CFAP20DC: variants seen among roughly 807,000 people sequenced by gnomAD.
CFAP20DC encodes CFAP20 domain containing.
CFAP20DC carries 84 observed loss-of-function variants against 101.7 expected under a neutral mutation model. The observed-to-expected ratio is 0.83, with a 90% confidence interval of 0.69 to 0.99. CFAP20DC has a LOEUF of 0.99. Among genes scored for constraint, CFAP20DC ranks in the 50% least tolerant of loss-of-function variants. The pLI is 0.00. For synonymous variants in CFAP20DC, 359 were observed against 351.2 expected, an observed-to-expected ratio of 1.02 and a Z score of -0.25; for missense variants, 1,007 against 970.3, an observed-to-expected ratio of 1.04 and a Z score of -0.50.
At chr3:58,794,372 A>G in intron 15 of CFAP20DC, 1 of 455,276 alleles carries the variant, frequency 2.2e-6, no homozygotes, top group South Asian at 1.6e-5. Context: ...ACAGAACAAT[A>G]ATGATAGTGT....
chr3:58,854,813 T>C lies in CFAP20DC; in HGVS notation c.1594-5404A>G, dbSNP rs575113812. On this transcript the variant is annotated intron_variant, in intron 12 of 16. Transcript: ENST00000482387. ...GAAAGCTGAAACTGGATCCCTTCCT[T>C]ACACCTTATACAAAAATCAATTCAA... Among the ~76,000 whole-genome samples, 553 of 147,442 alleles carry C rather than the reference T, an allele frequency of 3.8e-3. 3 individuals carry two copies. Among genetic ancestry groups the C allele is most frequent in the Admixed American group, 7.4e-3 (108 of 14,628 alleles).
chr3:58,765,773 A>C (rs939038182), intron 15 of CFAP20DC, among the ~76,000 whole-genome samples: 5 of 152,168 alleles, frequency 3.3e-5, no homozygotes, highest in African/African-American at 1.2e-4. Flanking sequence ...ATCCATACTT[A>C]ATGATATTTA....
chr3:58,823,025 A>T (rs2075796097), intron 14 of CFAP20DC, among the ~76,000 whole-genome samples: 1 of 152,102 alleles, frequency 6.6e-6, no homozygotes, highest in African/African-American at 2.4e-5. Context: ...CCATTAGCTC[A>T]TATCTCCTTT....
chr3:58,908,796 T>C lies in CFAP20DC; in HGVS notation c.550+4912A>G, dbSNP rs2083856871. Among the ~76,000 whole-genome samples the C allele has an allele frequency of 2.6e-5, 4 of 152,310 alleles. 1 individual carries two copies. In the South Asian group the frequency reaches 8.3e-4, roughly 32 times the overall value. ...GGATGAATAAACTGTGGTACATGTA[T>C]ACAATGGAATATTATCCGGTGTTAA... On this transcript the variant is annotated intron_variant, in intron 6 of 16. Coordinates refer to ENST00000482387, the MANE Select transcript of CFAP20DC (RefSeq NM_001394063.1).
intron 1 of CFAP20DC, among the ~76,000 whole-genome samples, chr3:59,049,377 T>C (rs542868306): frequency 6.6e-6 from 1 of 152,290 alleles, no homozygotes; most frequent in African/African-American, 2.4e-5. Flanking sequence ...AGACAATTAA[T>C]TCATCTTAAG....
At chr3:59,000,891 A>C (rs1459037849) in intron 4 of CFAP20DC, among the ~76,000 whole-genome samples, 1 of 152,220 alleles carries the variant, frequency 6.6e-6, no homozygotes, top group Non-Finnish European at 1.5e-5. Flanking sequence ...TTTGGAACTC[A>C]AATTAAGGTC....
At chr3:58,883,001 A>G (rs2081337619) in intron 7 of CFAP20DC, among the ~76,000 whole-genome samples, 1 of 152,260 alleles carries the variant, frequency 6.6e-6, no homozygotes, top group African/African-American at 2.4e-5. Context: ...ACAATTTAGG[A>G]CATGCAATAT....
intron 14 of CFAP20DC, among the ~76,000 whole-genome samples, chr3:58,811,003 T>A (rs935199663): frequency 3.9e-5 from 6 of 152,120 alleles, no homozygotes; most frequent in Non-Finnish European, 7.4e-5. Context: ...ACAAGGGATG[T>A]GAAGGACCTC....
At chr3:58,921,055 T>C (rs1367066721) in intron 5 of CFAP20DC, among the ~76,000 whole-genome samples, 1 of 152,168 alleles carries the variant, frequency 6.6e-6, no homozygotes, top group Non-Finnish European at 1.5e-5. Context: ...AGTTGTCAAA[T>C]TCACTGGCAT....
intron 1 of CFAP20DC, among the ~76,000 whole-genome samples, chr3:59,048,817 A>C (rs1700083175): frequency 6.6e-6 from 1 of 152,190 alleles, no homozygotes; most frequent in Non-Finnish European, 1.5e-5. Flanking sequence ...ACTGTAAACA[A>C]GGAGTGTAAC....
In CFAP20DC at chr3:58,828,359, C is replaced by T. The variant is rs148701616; in HGVS notation, c.2175+3327G>A. 6.6e-5 allele frequency among the ~76,000 whole-genome samples: 10 copies of T among 152,272 alleles called. No homozygotes were observed. In the East Asian group the frequency reaches 7.7e-4, roughly 12 times the overall value. ...TTGGATCTCAACCGTGGAAATTTGA[C>T]GTCAGAGCTGAGGCTCCTAACCACC... On this transcript the variant is annotated intron_variant, in intron 14 of 16. Coordinates refer to ENST00000482387, the MANE Select transcript of CFAP20DC (RefSeq NM_001394063.1).
At chr3:58,802,266 T>C (rs992597457) in intron 15 of CFAP20DC, among the ~76,000 whole-genome samples, 3 of 152,240 alleles carry the variant, frequency 2.0e-5, no homozygotes, top group African/African-American at 7.2e-5. Context: ...TTAAAATAAA[T>C]GACTTGAAGC....
intron 4 of CFAP20DC, among the ~76,000 whole-genome samples, chr3:59,020,765 T>A (rs1381428533): frequency 6.6e-6 from 1 of 152,098 alleles, no homozygotes; most frequent in Non-Finnish European, 1.5e-5. Flanking sequence ...AGACTCTTGC[T>A]CTTCTGCTCT....
At chr3:58,938,963 T>C (rs781260611) in intron 4 of CFAP20DC, among the ~76,000 whole-genome samples, 3 of 152,148 alleles carry the variant, frequency 2.0e-5, no homozygotes, top group Non-Finnish European at 4.4e-5. Context: ...ATTAACACTA[T>C]GGCAGTATTA....
chr3:58,883,172 C>G (rs2081352633), intron 7 of CFAP20DC, among the ~76,000 whole-genome samples: 1 of 152,198 alleles, frequency 6.6e-6, no homozygotes, highest in Non-Finnish European at 1.5e-5. Flanking sequence ...CCATCTATTA[C>G]CTGAGAATCA....
At position 58,788,324 on chromosome 3, in the gene CFAP20DC, T is replaced by C. The variant is rs1388473059; in HGVS notation, c.2237+18071A>G. 1.3e-5 allele frequency among the ~76,000 whole-genome samples: 2 copies of C among 152,122 alleles called. No homozygotes were observed. The highest frequency in any genetic ancestry group is 6.6e-5 in the Admixed American group (1 of 15,264). On this transcript the variant is annotated intron_variant, in intron 15 of 16. Coordinates refer to ENST00000482387, the MANE Select transcript of CFAP20DC (RefSeq NM_001394063.1). This position sits in a 1 kb window ranked among gnomAD's most constrained non-coding sequence, Gnocchi z 4.2. ...ATAATGGGCCCCTCAGATGAACAAA[T>C]TAAATTCACATTTAAACCACGGTTA...
intron 6 of CFAP20DC, among the ~76,000 whole-genome samples, chr3:58,886,707 G>A (rs1209357118): frequency 6.6e-6 from 1 of 151,536 alleles, no homozygotes; most frequent in Non-Finnish European, 1.5e-5. Flanking sequence ...GAAAGACCCT[G>A]TCTTAAAAAA....
intron 4 of CFAP20DC, among the ~76,000 whole-genome samples, chr3:58,958,624 T>A (rs2090864165): frequency 6.6e-6 from 1 of 152,188 alleles, no homozygotes; most frequent in Non-Finnish European, 1.5e-5. Context: ...CAACACCTGA[T>A]ATTATATTTT....
intron 4 of CFAP20DC, among the ~76,000 whole-genome samples, chr3:59,011,484 T>A: frequency 2.1e-5 from 3 of 140,204 alleles, no homozygotes; most frequent in East Asian, 2.1e-4. Context: ...CAAGAACAAA[T>A]CAAACCCAAA....
Sources: gnomAD v4.1 joint callset for allele counts (sites outside exome capture counted in the v4.1 genomes callset) on GRCh38, gnomAD v4.1.1 for gene constraint, Gnocchi (gnomAD v3.1) non-coding constraint, MANE v1.5 for transcripts, NCBI Gene and HGNC (gene_info 2026-07-23, HGNC 2026-07-21) for gene names.